RANBP2: variants seen among roughly 807,000 people sequenced by gnomAD.
RANBP2 encodes the protein RAN binding protein 2, also known as E3 SUMO-protein ligase RanBP2.
In RANBP2, 57 loss-of-function variants were observed where a neutral mutation model predicts 303.6. The observed-to-expected ratio is 0.19, with a 90% confidence interval of 0.15 to 0.23. RANBP2 has a LOEUF of 0.23. RANBP2 is among the 10% of genes least tolerant of loss of function. The pLI, the probability that RANBP2 is intolerant of heterozygous loss-of-function variation, is 1.00. For missense variants in RANBP2, 3,138 were observed against 3,780.8 expected (o/e 0.83, Z 4.46); for synonymous variants, 1,167 against 1,301.5 (o/e 0.90, Z 2.23).
the RANBP2 span, chr2:108,895,229 G>A: frequency 3.3e-5 from 5 of 152,698 alleles, no homozygotes; most frequent in East Asian, 9.7e-4. Context: ...TCGTTGGTGG[G>A]AAATTGCTTG....
the RANBP2 span, chr2:108,894,998 C>CT: frequency 6.6e-6 from 1 of 150,492 alleles, no homozygotes; most frequent in Non-Finnish European, 1.5e-5. Flanking sequence ...CATTTGCAGT[C>CT]TAATTAAGGG....
the RANBP2 span, among the ~76,000 whole-genome samples, chr2:108,985,292 G>A: frequency 6.6e-6 from 1 of 152,308 alleles, no homozygotes; most frequent in Non-Finnish European, 1.5e-5. Flanking sequence ...AGAGTAACGT[G>A]ACTGTGGTTG....
At chr2:109,487,641 ACT>A in the RANBP2 span, among the ~76,000 whole-genome samples, 1 of 151,966 alleles carries the variant, frequency 6.6e-6, no homozygotes, top group African/African-American at 2.4e-5. Context: ...GACTGCATAT[ACT>A]CTCAGCAGCT....
the RANBP2 span, among the ~76,000 whole-genome samples, chr2:109,051,998 T>G: frequency 6.6e-6 from 1 of 152,206 alleles, no homozygotes; most frequent in African/African-American, 2.4e-5. Context: ...TCCGCCCGCC[T>G]CGGCCTCCCA....
At chr2:109,574,767 G>A in the RANBP2 span, 6 of 1,563,716 alleles carry the variant, frequency 3.8e-6, no homozygotes, top group African/African-American at 4.1e-5. Flanking sequence ...TTGGTTGGTA[G>A]CTGAAAAATT....
chr2:109,755,199 G>T, the RANBP2 span, among the ~76,000 whole-genome samples: 5 of 115,306 alleles, frequency 4.3e-5, 1 homozygote, highest in African/African-American at 1.7e-4. Context: ...ACACCTTGGT[G>T]GGGGGGGGCC....
chr2:109,229,207 T>C, the RANBP2 span, among the ~76,000 whole-genome samples: 2 of 152,222 alleles, frequency 1.3e-5, no homozygotes, highest in Non-Finnish European at 2.9e-5. Flanking sequence ...ATTTTTATTA[T>C]GTCACACAGC....
At chr2:109,043,009 T>C in the RANBP2 span, among the ~76,000 whole-genome samples, 1 of 152,238 alleles carries the variant, frequency 6.6e-6, no homozygotes, top group Non-Finnish European at 1.5e-5. Context: ...ACATAGTAAG[T>C]AAATATTTCT....
At chr2:109,434,654 C>T in the RANBP2 span, among the ~76,000 whole-genome samples, 5 of 152,192 alleles carry the variant, frequency 3.3e-5, no homozygotes, top group Non-Finnish European at 5.9e-5. Flanking sequence ...GCCTGGAGGC[C>T]CTCATCCTTG....
At chr2:109,721,923 T>G in the RANBP2 span, among the ~76,000 whole-genome samples, 1 of 152,212 alleles carries the variant, frequency 6.6e-6, no homozygotes, top group African/African-American at 2.4e-5. Context: ...CGGAGCCCAC[T>G]TGTCCTCAAG....
At chr2:109,581,248 T>C in the RANBP2 span, among the ~76,000 whole-genome samples, 1 of 152,136 alleles carries the variant, frequency 6.6e-6, no homozygotes. Context: ...AACACCAGCC[T>C]GACCAACATG....
At chr2:109,311,653 C>T in the RANBP2 span, among the ~76,000 whole-genome samples, 1 of 152,194 alleles carries the variant, frequency 6.6e-6, no homozygotes, top group Non-Finnish European at 1.5e-5. Context: ...GACTGCTGAG[C>T]ACTTGAGAGG....
chr2:109,574,725 G>A, the RANBP2 span: 1 of 1,601,770 alleles, frequency 6.2e-7, no homozygotes, highest in Non-Finnish European at 8.5e-7. Context: ...CTTGGAGATA[G>A]GCCTCAAACT....
the RANBP2 span, among the ~76,000 whole-genome samples, chr2:109,384,112 C>A: frequency 6.6e-6 from 1 of 152,246 alleles, no homozygotes; most frequent in East Asian, 1.9e-4. Context: ...GCACATCCCA[C>A]TGCTGGGCAG....
the RANBP2 span, among the ~76,000 whole-genome samples, chr2:109,193,085 T>C: frequency 6.6e-6 from 1 of 152,154 alleles, no homozygotes; most frequent in Non-Finnish European, 1.5e-5. Context: ...GGTGAGTAAA[T>C]AGAAGTTAAA....
At chr2:109,680,695 C>T in the RANBP2 span, among the ~76,000 whole-genome samples, 1 of 152,190 alleles carries the variant, frequency 6.6e-6, no homozygotes, top group Non-Finnish European at 1.5e-5. Context: ...TTCTCAGCCA[C>T]CGGAATCTCA....
At chr2:108,757,987 A>G (rs1247382171) in intron 17 of RANBP2, among the ~76,000 whole-genome samples, 1 of 152,192 alleles carries the variant, frequency 6.6e-6, no homozygotes, top group Non-Finnish European at 1.5e-5. Context: ...ACTCACTGGC[A>G]AATAGAAACT....
chr2:109,420,091 G>A, the RANBP2 span, among the ~76,000 whole-genome samples: 2 of 152,224 alleles, frequency 1.3e-5, no homozygotes, highest in Admixed American at 6.5e-5. Flanking sequence ...CCACACCAGC[G>A]CATGCCAGCT....
the RANBP2 span, among the ~76,000 whole-genome samples, chr2:108,796,215 A>AT: frequency 2.1e-3 from 299 of 144,860 alleles, 1 homozygote; most frequent in Middle Eastern, 7.2e-3. Flanking sequence ...CGCCCGGCTA[A>AT]TTTTTTTTTT....
Sources: gnomAD v4.1 joint callset for allele counts (sites outside exome capture counted in the v4.1 genomes callset) on GRCh38, gnomAD v4.1.1 for gene constraint, MANE v1.5 for transcripts, NCBI Gene and HGNC (gene_info 2026-07-23, HGNC 2026-07-21) for gene names.